Variants in SUV39H1 observed in about 807,000 individuals in gnomAD.
SUV39H1 encodes the protein SUV39H1 histone lysine methyltransferase, also known as histone-lysine N-methyltransferase SUV39H1.
For synonymous variants in SUV39H1, 141 were observed against 150.5 expected, an observed-to-expected ratio of 0.94 and a Z score of 0.46; for missense variants, 180 against 386.3, an observed-to-expected ratio of 0.47 and a Z score of 4.48.
chrX:48,700,416 A>G lies in SUV39H1; in HGVS notation c.491A>G (p.Asn164Ser). 3 of 1,212,108 alleles carry G rather than the reference A, an allele frequency of 2.5e-6. No homozygotes were observed. The highest frequency in any genetic ancestry group is 3.3e-6 in the Non-Finnish European group (3 of 895,527). The change falls in exon 3 of 6, where the codon AAT becomes AGT. Residue 164 changes from asparagine (N) to serine (S), a missense_variant. Coordinates refer to ENST00000376687, the MANE Select transcript of SUV39H1 (RefSeq NM_003173.4). ...CCTCCGCGGGCCTTCGTGTACATCA[A>G]TGAGTACCGTGTTGGTGAGGGCATC... ...DGPPRAFVYI[N>S]EYRVGEGITL...
intron 3 of SUV39H1, chrX:48,701,009 C>T (rs369862984): frequency 9.2e-6 from 4 of 434,875 alleles, no homozygotes; most frequent in East Asian, 8.2e-5. Context: ...GGGTACTTAG[C>T]AAAGAAGAAA....
rs782391993 is a variant in SUV39H1, at chrX:48,700,513, G to C, written c.588G>C (p.Pro196=). 1 of 1,212,089 alleles carries C rather than the reference G, an allele frequency of 8.3e-7. No homozygotes were observed. The highest frequency in any genetic ancestry group is 1.1e-6 in the Non-Finnish European group (1 of 895,513). ...CLWAPTGGCC[P]GASLHKFAYN... is the part of the protein sequence containing the mutation. ...GGGCACCCACTGGAGGCTGCTGCCC[G>C]GGGGCGTCACTGCACAAGTTTGCCT... Residue 196 remains proline (P), a synonymous_variant, in exon 3 of 6, where the codon CCG becomes CCC. Transcript: ENST00000376687.
At chrX:48,699,097 T>C in intron 2 of SUV39H1, 50 bp downstream of exon 2, 1 of 1,155,729 alleles carries the variant, frequency 8.7e-7, no homozygotes, top group Non-Finnish European at 1.2e-6. Context: ...ACAAGGAAGT[T>C]AGTGTCCTGC....
rs1557009258 is a variant in SUV39H1, at chrX:48,700,410, A to ACATCAATG, written c.486_493dup (p.Glu165AlafsTer176). 8.3e-7 allele frequency: 1 copy of ACATCAATG among 1,210,877 alleles called. No individual in the cohort carries two copies. The highest frequency in any genetic ancestry group is 1.7e-5 in the African/African-American group (1 of 57,449). ...GACGGCCCTCCGCGGGCCTTCGTGT[A>ACATCAATG]CATCAATGAGTACCGTGTTGGTGAG... On this transcript the variant is annotated frameshift_variant, in exon 3 of 6. Coordinates refer to ENST00000376687, the MANE Select transcript of SUV39H1 (RefSeq NM_003173.4). LOFTEE classifies it high-confidence loss of function.
rs782715815 is a variant in SUV39H1 at position 48,706,631 on chromosome X, G to A, written c.1105+4G>A. ...ACCTTTGATTACAACATGCAAGGTG[G>A]GGGTGGCAAGGGACTGGGGGCAGGG... On this transcript the variant is annotated splice_donor_region_variant and intron_variant, in intron 5 of 5. Transcript: ENST00000376687. The A allele has an allele frequency of 8.3e-7, 1 of 1,198,302 alleles. No homozygotes were observed. The highest frequency in any genetic ancestry group is 3.0e-5 in the East Asian group (1 of 33,617).
In SUV39H1 at chrX:48,696,753, C is replaced by T; in HGVS notation, c.-32C>T. On this transcript the variant is annotated 5_prime_UTR_variant, in exon 1 of 6. Coordinates refer to ENST00000376687, the MANE Select transcript of SUV39H1 (RefSeq NM_003173.4). Reference sequence around the variant, plus strand: ...GCGAGCGCTCTTCTCGCGAGGCCGGCTAGGCCCGAATGTCGTTAGCCGTGG... The same window carrying T: ...GCGAGCGCTCTTCTCGCGAGGCCGGTTAGGCCCGAATGTCGTTAGCCGTGG... 8.8e-7 allele frequency: 1 copy of T among 1,138,843 alleles called. No individual in the cohort carries two copies. The highest frequency in any genetic ancestry group is 1.2e-6 in the Non-Finnish European group (1 of 859,926). 93.9% of individuals were successfully genotyped at this position (1,138,843 alleles called of 1,213,427 possible).
chrX:48,703,177 A>G (rs1391082053), intron 3 of SUV39H1, among the ~76,000 whole-genome samples: 3 of 112,808 alleles, frequency 2.7e-5, no homozygotes, highest in Non-Finnish European at 5.6e-5. Context: ...TTCAAACTTC[A>G]GCAAATCCAA....
At chrX:48,696,674 T>A, upstream of SUV39H1, 1 of 1,026,246 alleles carries the variant, frequency 9.7e-7, no homozygotes, top group Non-Finnish European at 1.3e-6. Context: ...TCCGCGCGGG[T>A]GCTGCGAGTC....
At chrX:48,704,094 CCT>C (rs1185471000) in intron 3 of SUV39H1, among the ~76,000 whole-genome samples, 1 of 109,948 alleles carries the variant, frequency 9.1e-6, no homozygotes, top group Non-Finnish European at 1.9e-5. Context: ...ACGTCAGCAC[CCT>C]CTCGGAACTG....
chrX:48,700,111 G>A lies in SUV39H1; in HGVS notation c.186G>A (p.Val62=), dbSNP rs782226021. 1 of 1,189,883 alleles carries A rather than the reference G, an allele frequency of 8.4e-7. No individual in the cohort carries two copies. Among genetic ancestry groups the A allele is most frequent in the African/African-American group, 1.8e-5 (1 of 56,382 alleles). ...KKIREQEYYL[V]KWRGYPDSES... ...AACAGGAACAGGAATATTACCTGGT[G>A]AAATGGCGTGGATATCCAGACTCAG... is the stretch of plus-strand genomic sequence containing the variant. The change falls in exon 3 of 6, where the codon GTG becomes GTA. Residue 62 remains valine (V), a synonymous_variant. Coordinates refer to ENST00000376687, the MANE Select transcript of SUV39H1 (RefSeq NM_003173.4).
chrX:48,696,071 A>C (rs1163981594), upstream of SUV39H1, among the ~76,000 whole-genome samples: 1 of 113,404 alleles, frequency 8.8e-6, no homozygotes, highest in Non-Finnish European at 1.9e-5. Context: ...GCCTGGGGGC[A>C]TGGCTGGATG....
Position 48,698,920 on chromosome X carries a change from A to G in SUV39H1, c.38A>G (p.Lys13Arg), listed in dbSNP as rs1557009023. 2.5e-6 allele frequency: 3 copies of G among 1,208,805 alleles called. No individual in the cohort carries two copies. Among genetic ancestry groups the G allele is most frequent in the African/African-American group, 3.5e-5 (2 of 57,180 alleles). Residue 13 changes from lysine to arginine, a missense_variant, in exon 2 of 6, where the codon AAG becomes AGG. Lys to Arg is a conservative substitution (Grantham distance 26). Coordinates refer to ENST00000376687, the MANE Select transcript of SUV39H1 (RefSeq NM_003173.4). ...GATCCAGGCTGCAGCGTGTGTTGCA[A>G]GTCTTCTTGGAATCAGCTGCAGGAC... is the stretch of plus-strand genomic sequence containing the variant. ...ENLKGCSVCCKSSWNQLQDLC... is the reference protein window; with the variant it reads ...ENLKGCSVCCRSSWNQLQDLC...
At position 48,700,597 on chromosome X, in the gene SUV39H1, C is replaced by A. The variant is rs1557009295; in HGVS notation, c.672C>A (p.Ser224=). The A allele has an allele frequency of 8.3e-7, 1 of 1,211,091 alleles. No individual in the cohort carries two copies. Residue 224 remains serine, a synonymous_variant, in exon 3 of 6, where the codon TCC becomes TCA. Transcript: ENST00000376687. ...RAGLPIYECN[S]RCRCGYDCPN... Reference sequence around the variant, plus strand: ...GGCTGCCCATCTACGAGTGCAACTCCCGCTGCCGCTGCGGCTATGACTGCC... The same window carrying A: ...GGCTGCCCATCTACGAGTGCAACTCACGCTGCCGCTGCGGCTATGACTGCC...
At chrX:48,696,867 T>C in intron 1 of SUV39H1, 64 bp downstream of exon 1, 1 of 940,944 alleles carries the variant, frequency 1.1e-6, no homozygotes. Flanking sequence ...AGGGGTGGCG[T>C]TGCCGGCTCG....
At position 48,699,198 on chromosome X, in the gene SUV39H1, A is replaced by G. The variant is rs782369186; in HGVS notation, c.165+151A>G. On this transcript the variant is annotated intron_variant, in intron 2 of 5. Coordinates refer to ENST00000376687, the MANE Select transcript of SUV39H1 (RefSeq NM_003173.4). Reference sequence around the variant, plus strand: ...AGGATGAATAGACCCTTTTATCCCTATGTTACAGATAGGGAAACTAAGTAG... The same window carrying G: ...AGGATGAATAGACCCTTTTATCCCTGTGTTACAGATAGGGAAACTAAGTAG... The G allele has an allele frequency of 2.1e-5, 12 of 560,629 alleles. No individual in the cohort carries two copies. In the East Asian group the frequency reaches 3.2e-4, roughly 15 times the overall value. 46.2% of individuals were successfully genotyped at this position (560,629 alleles called of 1,213,427 possible). A position where few individuals can be genotyped will look rare whatever the true frequency, so the allele number is the denominator to read the frequency against.
chrX:48,700,233 G>A lies in SUV39H1; in HGVS notation c.308G>A (p.Arg103Gln), dbSNP rs1211958007. ...AGGGAGCTGCTCCGGCGGCACCACC[G>A]GTCAAAGACCCCCCGGCACCTGGAC... ...LERELLRRHHRSKTPRHLDPS... is the reference protein window; with the variant it reads ...LERELLRRHHQSKTPRHLDPS... The change falls in exon 3 of 6, where the codon CGG becomes CAG. Residue 103 changes from arginine (R) to glutamine (Q), a missense_variant. Arg to Gln is a conservative substitution (Grantham distance 43, BLOSUM62 1). Coordinates refer to ENST00000376687, the MANE Select transcript of SUV39H1 (RefSeq NM_003173.4). 8 of 1,204,779 alleles carry A rather than the reference G, an allele frequency of 6.6e-6. No homozygotes were observed. Among genetic ancestry groups the A allele is most frequent in the Non-Finnish European group, 7.8e-6 (7 of 892,595 alleles).
intron 1 of SUV39H1, 45 bp downstream of exon 1, chrX:48,696,848 G>A: frequency 1.9e-6 from 2 of 1,051,775 alleles, no homozygotes; most frequent in Non-Finnish European, 2.5e-6. Flanking sequence ...GCCGGGCCGG[G>A]TGGGCTGGAG....
intron 1 of SUV39H1, among the ~76,000 whole-genome samples, chrX:48,698,134 C>A (rs1462716956): frequency 1.8e-5 from 2 of 112,266 alleles, no homozygotes; most frequent in African/African-American, 3.2e-5. Flanking sequence ...ATTCCGAAAT[C>A]TAAAAAGCCC....
At position 48,700,705 on chromosome X, in the gene SUV39H1, C is replaced by T. The variant is rs143860178; in HGVS notation, c.780C>T (p.Thr260=). 437 of 1,209,952 alleles carry T rather than the reference C, an allele frequency of 3.6e-4. 1 individual carries two copies. Among genetic ancestry groups the T allele is most frequent in the South Asian group, 1.3e-3 (75 of 56,823 alleles). Residue 260 remains threonine, a synonymous_variant, in exon 3 of 6, where the codon ACC becomes ACT. Coordinates refer to ENST00000376687, the MANE Select transcript of SUV39H1 (RefSeq NM_003173.4). ...TDDGRGWGVR[T]LEKIRKNSFV... ...ATGGGCGTGGCTGGGGCGTCCGCAC[C>T]CTGGAGAAGATTCGCAAGAACAGCT...
Sources: allele counts gnomAD v4.1 joint callset (sites outside exome capture counted in the v4.1 genomes callset), GRCh38; gene constraint gnomAD v4.1.1; transcripts MANE v1.5; gene names NCBI Gene and HGNC (gene_info 2026-07-23, HGNC 2026-07-21).